Variants in SLC71A1 observed in about 807,000 individuals in gnomAD.
SLC71A1 encodes the protein solute carrier family 71 member 1.
the SLC71A1 span, among the ~76,000 whole-genome samples, chr1:100,051,796 C>T: frequency 1.3e-5 from 2 of 152,134 alleles, no homozygotes; most frequent in South Asian, 2.1e-4. Flanking sequence ...AAACAGCCCA[C>T]GTGTATTTAT....
At chr1:100,057,820 C>T in the SLC71A1 span, among the ~76,000 whole-genome samples, 1 of 152,138 alleles carries the variant, frequency 6.6e-6, no homozygotes, top group Non-Finnish European at 1.5e-5. Flanking sequence ...AAGGGAAGAC[C>T]TTCCCTACCT....
At chr1:100,066,765 G>A in the SLC71A1 span, among the ~76,000 whole-genome samples, 13 of 152,090 alleles carry the variant, frequency 8.5e-5, no homozygotes, top group Admixed American at 6.5e-4. Flanking sequence ...CGAGGCGGGC[G>A]GATCACGAGG....
the SLC71A1 span, chr1:100,043,188 A>C: frequency 2.0e-6 from 2 of 980,010 alleles, no homozygotes; most frequent in Non-Finnish European, 2.4e-6. Context: ...GCAGCTACTG[A>C]AAGTTTAAAG....
At chr1:100,070,512 A>G in the SLC71A1 span, among the ~76,000 whole-genome samples, 1 of 152,210 alleles carries the variant, frequency 6.6e-6, no homozygotes, top group East Asian at 1.9e-4. Flanking sequence ...GCAGAATGAC[A>G]TGAAAGTGTG....
At chr1:100,077,560 G>A in the SLC71A1 span, among the ~76,000 whole-genome samples, 5 of 152,114 alleles carry the variant, frequency 3.3e-5, no homozygotes, top group Admixed American at 6.6e-5. Context: ...AAATCAGTCC[G>A]TTACTAGGAA....
the SLC71A1 span, among the ~76,000 whole-genome samples, chr1:100,048,908 C>T: frequency 1.3e-5 from 2 of 152,200 alleles, no homozygotes; most frequent in African/African-American, 4.8e-5. Context: ...TGGGAAGCCA[C>T]CAGCTTTAAC....
the SLC71A1 span, among the ~76,000 whole-genome samples, chr1:100,062,854 T>A: frequency 6.9e-6 from 1 of 145,082 alleles, no homozygotes; most frequent in East Asian, 2.0e-4. Context: ...GGCAGGCGGA[T>A]CACTTGAGAT....
the SLC71A1 span, among the ~76,000 whole-genome samples, chr1:100,041,934 AAAG>A: frequency 1.2e-3 from 176 of 152,248 alleles, no homozygotes; most frequent in Middle Eastern, 3.4e-3. Flanking sequence ...AAAAAAAAAA[AAAG>A]AAGTTTTTAG....
chr1:100,073,009 A>G, the SLC71A1 span, among the ~76,000 whole-genome samples: 1 of 152,092 alleles, frequency 6.6e-6, no homozygotes, highest in Non-Finnish European at 1.5e-5. Context: ...TCTGGGTTCC[A>G]TCCCTTGCCC....
the SLC71A1 span, chr1:100,050,018 TA>T: frequency 7.4e-7 from 1 of 1,348,146 alleles, no homozygotes; most frequent in South Asian, 1.2e-5. Flanking sequence ...AGTAATCTTT[TA>T]AATTATTTAA....
the SLC71A1 span, among the ~76,000 whole-genome samples, chr1:100,074,897 AAAAAG>A: frequency 6.6e-6 from 1 of 152,188 alleles, no homozygotes; most frequent in African/African-American, 2.4e-5. Flanking sequence ...AACCCAAAAG[AAAAAG>A]AAAATATATT....
the SLC71A1 span, among the ~76,000 whole-genome samples, chr1:100,049,491 C>A: frequency 6.6e-6 from 1 of 152,140 alleles, no homozygotes; most frequent in Non-Finnish European, 1.5e-5. Flanking sequence ...TTTCAATACA[C>A]CCAACGTGCA....
chr1:100,041,065 A>G, the SLC71A1 span, among the ~76,000 whole-genome samples: 4 of 152,348 alleles, frequency 2.6e-5, no homozygotes, highest in African/African-American at 9.6e-5. Flanking sequence ...CTAATGACAT[A>G]TATGTAAGCC....
the SLC71A1 span, among the ~76,000 whole-genome samples, chr1:100,072,441 T>C: frequency 7.9e-4 from 120 of 152,330 alleles, no homozygotes; most frequent in African/African-American, 2.5e-3. Flanking sequence ...TCTCTGTTTA[T>C]TGCCTTAGTT....
the SLC71A1 span, chr1:100,082,126 C>T: frequency 1.2e-6 from 2 of 1,614,148 alleles, no homozygotes; most frequent in African/African-American, 1.3e-5. Context: ...TTGGAGAAAG[C>T]ACTGTGGCAG....
chr1:100,056,437 T>G, the SLC71A1 span, among the ~76,000 whole-genome samples: 8 of 152,170 alleles, frequency 5.3e-5, no homozygotes, highest in Admixed American at 6.5e-5. Context: ...ATCTTAGCTA[T>G]TAAGAATAGT....
chr1:100,079,514 G>A, the SLC71A1 span: 1 of 151,872 alleles, frequency 6.6e-6, no homozygotes, highest in South Asian at 2.1e-4. Context: ...AGGAAGGAAA[G>A]GCCTATGGCC....
chr1:100,052,523 C>T, the SLC71A1 span, among the ~76,000 whole-genome samples: 2 of 151,292 alleles, frequency 1.3e-5, no homozygotes, highest in South Asian at 4.2e-4. Flanking sequence ...CCCCCACCTC[C>T]CAGGTTCAAG....
At chr1:100,048,884 G>A in the SLC71A1 span, among the ~76,000 whole-genome samples, 11 of 152,186 alleles carry the variant, frequency 7.2e-5, no homozygotes, top group Non-Finnish European at 4.4e-5. Context: ...TCTGAGCCTC[G>A]TGGGGGGAAG....
Sources: allele counts gnomAD v4.1 joint callset (sites outside exome capture counted in the v4.1 genomes callset), GRCh38; gene constraint gnomAD v4.1.1; transcripts MANE v1.5; gene names NCBI Gene and HGNC (gene_info 2026-07-23, HGNC 2026-07-21).